Variants in PACRG observed in about 807,000 individuals in gnomAD.
PACRG encodes parkin coregulated.
PACRG carries 29 observed loss-of-function variants against 29.7 expected under a neutral mutation model. That is an observed-to-expected ratio of 0.98 (90% CI 0.73 to 1.33). The LOEUF is 1.33. PACRG is among the 40% of genes most tolerant of loss of function. The probability of loss-of-function intolerance (pLI) is 0.00; values close to 1 mark genes in which losing one functional copy is unlikely to be tolerated. For missense variants in PACRG, 279 were observed against 316.2 expected (o/e 0.88, Z 0.89); for synonymous variants, 116 against 118.7 (o/e 0.98, Z 0.15).
At position 162,742,783 on chromosome 6, in the gene PACRG, T is replaced by C; in HGVS notation, c.156+14392T>C. The stretch of plus-strand genomic sequence containing the variant: ...TCCATACCTTGGCTCTTGTGAATAA[T>C]GCTGTAATAAACATGAGAGTGAAGC... On this transcript the variant is annotated intron_variant, in intron 1 of 4. Transcript: ENST00000366888. Among the ~76,000 whole-genome samples the C allele has an allele frequency of 1.3e-5, 2 of 152,094 alleles. 1 individual carries two copies. The highest frequency in any genetic ancestry group is 2.9e-5 in the Non-Finnish European group (2 of 68,008).
chr6:163,002,392 T>C (rs912087050), intron 2 of PACRG, among the ~76,000 whole-genome samples: 6 of 152,266 alleles, frequency 3.9e-5, no homozygotes, highest in South Asian at 4.1e-4. Context: ...CCACTTGACC[T>C]TCAAAATGCC....
At chr6:162,998,413 C>T (rs951891960) in intron 2 of PACRG, among the ~76,000 whole-genome samples, 2 of 152,140 alleles carry the variant, frequency 1.3e-5, no homozygotes, top group African/African-American at 2.4e-5. Flanking sequence ...TCCTTTCTGG[C>T]CCTTACTTTT....
intron 2 of PACRG, among the ~76,000 whole-genome samples, chr6:162,846,169 T>A (rs749022443): frequency 2.6e-5 from 4 of 152,094 alleles, no homozygotes; most frequent in Non-Finnish European, 2.9e-5. Flanking sequence ...AGAGCCACAG[T>A]GGCCTGTCAG....
intron 2 of PACRG, among the ~76,000 whole-genome samples, chr6:162,878,682 A>T (rs1793578349): frequency 6.6e-6 from 1 of 152,170 alleles, no homozygotes; most frequent in East Asian, 1.9e-4. Flanking sequence ...GAAATTTGAG[A>T]TTGTTCTAGG....
chr6:162,924,354 C>G (rs1372282963), intron 2 of PACRG, among the ~76,000 whole-genome samples: 2 of 151,990 alleles, frequency 1.3e-5, no homozygotes, highest in African/African-American at 2.4e-5. Context: ...TTGATTTCCT[C>G]TTTTCCAATT....
At chr6:162,821,232 C>T (rs1787815886) in intron 2 of PACRG, among the ~76,000 whole-genome samples, 1 of 152,156 alleles carries the variant, frequency 6.6e-6, no homozygotes, top group Admixed American at 6.5e-5. Flanking sequence ...TGTAGCAAGC[C>T]TGCAGAAACA....
chr6:163,067,669 C>A (rs1218376814), intron 3 of PACRG, among the ~76,000 whole-genome samples: 1 of 152,128 alleles, frequency 6.6e-6, no homozygotes, highest in African/African-American at 2.4e-5. Context: ...AGAAATAATT[C>A]ACTAGTCACA....
At chr6:162,747,519 C>A (rs1781176693) in intron 1 of PACRG, among the ~76,000 whole-genome samples, 1 of 96,216 alleles carries the variant, frequency 1.0e-5, no homozygotes, top group Non-Finnish European at 2.1e-5. Context: ...CCTCCAGAGA[C>A]CCCTGACTAA....
rs185035928 is a variant in PACRG at position 163,190,096 on chromosome 6, G to A, written c.613+100688G>A. The stretch of plus-strand genomic sequence containing the variant: ...AACTGGATTCCGATTGCATTACATT[G>A]GTTTTCTCTTCCAAATAATTGGCAA... On this transcript the variant is annotated intron_variant, in intron 4 of 4. Transcript: ENST00000366888. 4 of 152,258 alleles carry A rather than the reference G, an allele frequency of 2.6e-5. No individual in the cohort carries two copies. The East Asian group carries it at 7.7e-4, about 29-fold the overall frequency. 9.4% of individuals were successfully genotyped at this position (152,258 alleles called of 1,614,324 possible). A position where few individuals can be genotyped will look rare whatever the true frequency, so the allele number is the denominator to read the frequency against.
At chr6:163,248,490 C>T (rs575717323) in intron 4 of PACRG, among the ~76,000 whole-genome samples, 1 of 151,718 alleles carries the variant, frequency 6.6e-6, no homozygotes, top group Non-Finnish European at 1.5e-5. Context: ...AATATTTTCC[C>T]CAATAGAAAT....
At chr6:162,944,504 G>T (rs1425982474) in intron 2 of PACRG, among the ~76,000 whole-genome samples, 2 of 152,034 alleles carry the variant, frequency 1.3e-5, no homozygotes, top group East Asian at 1.9e-4. Flanking sequence ...CCTGGGAAAA[G>T]AATTTAAAAT....
At chr6:163,007,729 G>T (rs1011947931) in intron 2 of PACRG, among the ~76,000 whole-genome samples, 5 of 152,090 alleles carry the variant, frequency 3.3e-5, no homozygotes, top group African/African-American at 1.2e-4. Flanking sequence ...TTTTTTAGTT[G>T]TTTCAGGCAT....
chr6:163,203,116 T>A (rs942304591), intron 4 of PACRG, among the ~76,000 whole-genome samples: 1 of 152,100 alleles, frequency 6.6e-6, no homozygotes, highest in African/African-American at 2.4e-5. Flanking sequence ...GCACTGTAGA[T>A]GGGACCAGGC....
rs78103351 is a variant in PACRG at position 163,028,698 on chromosome 6, T to C, written c.292-33452T>C. Reference sequence around the variant, plus strand: ...TAATATAAAGACATTGGTAGTGCTTTACTTAATACGAAACTCTAAATCTTA... The same window carrying C: ...TAATATAAAGACATTGGTAGTGCTTCACTTAATACGAAACTCTAAATCTTA... On this transcript the variant is annotated intron_variant, in intron 2 of 4. Transcript: ENST00000366888. Among the ~76,000 whole-genome samples, 1,079 of 152,366 alleles carry C rather than the reference T, an allele frequency of 7.1e-3. 10 individuals are homozygous for C. The highest frequency in any genetic ancestry group is 0.024 in the African/African-American group (1,005 of 41,582).
intron 1 of PACRG, among the ~76,000 whole-genome samples, chr6:162,760,528 G>C (rs1403400625): frequency 6.6e-6 from 1 of 152,144 alleles, no homozygotes; most frequent in Non-Finnish European, 1.5e-5. Context: ...CAAGAGACTT[G>C]TGAGCCAAAC....
chr6:162,869,589 C>T (rs1792625339), intron 2 of PACRG, among the ~76,000 whole-genome samples: 3 of 151,858 alleles, frequency 2.0e-5, no homozygotes, highest in Admixed American at 2.0e-4. Context: ...TTATGGGGGC[C>T]CTTTTGTTTA....
intron 4 of PACRG, among the ~76,000 whole-genome samples, chr6:163,304,726 A>G (rs1785131597): frequency 6.6e-6 from 1 of 152,150 alleles, no homozygotes; most frequent in Non-Finnish European, 1.5e-5. Flanking sequence ...CATGAATGAA[A>G]ATTTCATGCA....
At chr6:163,042,654 C>T (rs556345847) in intron 2 of PACRG, 2 of 148,138 alleles carry the variant, frequency 1.4e-5, no homozygotes, top group South Asian at 4.3e-4. Context: ...CATTTGTATA[C>T]AATCTAAAAG....
At chr6:162,917,442 A>C (rs1796770535) in intron 2 of PACRG, among the ~76,000 whole-genome samples, 1 of 152,180 alleles carries the variant, frequency 6.6e-6, no homozygotes, top group African/African-American at 2.4e-5. Context: ...CACCTTCTGC[A>C]GGAAGTAGGG....
Sources: allele counts gnomAD v4.1 joint callset (sites outside exome capture counted in the v4.1 genomes callset), GRCh38; gene constraint gnomAD v4.1.1; transcripts MANE v1.5; gene names NCBI Gene and HGNC (gene_info 2026-07-23, HGNC 2026-07-21).